The following PRKAG2 variants were observed in gnomAD, a reference collection of about 807,000 sequenced individuals.
PRKAG2 encodes protein kinase AMP-activated non-catalytic subunit gamma 2, also known as 5'-AMP-activated protein kinase subunit gamma-2.
In PRKAG2, 26 loss-of-function variants were observed where a neutral mutation model predicts 69.6. That is an observed-to-expected ratio of 0.37 (90% CI 0.27 to 0.52). The LOEUF (loss-of-function observed/expected upper bound fraction) is 0.52. Ranked by LOEUF, PRKAG2 falls within the 20% of genes least tolerant of loss-of-function variation. PRKAG2 has a pLI of 0.90. For synonymous variants in PRKAG2, 293 were observed against 285.0 expected (o/e 1.03, Z -0.28); for missense variants, 557 against 740.0 (o/e 0.75, Z 2.87).
chr7:151,698,398 T>A (rs1358719343), intron 3 of PRKAG2, among the ~76,000 whole-genome samples: 1 of 152,030 alleles, frequency 6.6e-6, no homozygotes, highest in African/African-American at 2.4e-5. Flanking sequence ...TTTTGTCCCC[T>A]CCGAATCTCA....
rs1401247626 is a variant in PRKAG2, at chr7:151,804,530, AGAG to A, written c.115-17992_115-17990del. On this transcript the variant is annotated intron_variant, in intron 1 of 15. Coordinates refer to ENST00000287878, the MANE Select transcript of PRKAG2 (RefSeq NM_016203.4). ...CTTGACATGTGGGAATTACAATTCA[AGAG>A]GAGATTTGGGTGGGGACACGGATGT... Among the ~76,000 whole-genome samples the A allele has an allele frequency of 2.0e-5, 3 of 152,144 alleles. No homozygotes were observed. In the South Asian group the frequency reaches 6.2e-4, roughly 31 times the overall value.
chr7:151,593,955 G>T (rs1813820484), intron 6 of PRKAG2, among the ~76,000 whole-genome samples: 1 of 152,224 alleles, frequency 6.6e-6, no homozygotes, highest in Non-Finnish European at 1.5e-5. Flanking sequence ...CAGAATACAG[G>T]TAAGGGGCTC....
intron 1 of PRKAG2, among the ~76,000 whole-genome samples, chr7:151,821,396 GCA>G (rs367671168): frequency 6.6e-6 from 1 of 152,174 alleles, no homozygotes; most frequent in Non-Finnish European, 1.5e-5. Flanking sequence ...CCCAGGCTTG[GCA>G]CACACAGAAG....
intron 1 of PRKAG2, among the ~76,000 whole-genome samples, chr7:151,811,979 A>G (rs769883470): frequency 6.6e-6 from 1 of 152,230 alleles, no homozygotes; most frequent in Non-Finnish European, 1.5e-5. Context: ...TTCCTTGTGT[A>G]AAAGGGAAAT....
Position 151,565,362 on chromosome 7 carries a change from G to C in PRKAG2, c.1421C>G (p.Ser474Cys). The C allele has an allele frequency of 7.2e-7, 1 of 1,389,398 alleles. No homozygotes were observed. Among genetic ancestry groups the C allele is most frequent in the African/African-American group, 1.4e-5 (1 of 69,740 alleles). The allele number at this position is 1,389,398 out of a possible 1,614,324, so 86.1% of individuals were successfully genotyped here. ...DESGKVVDIYSKFDVINLAAE... is the reference protein window; with the variant it reads ...DESGKVVDIYCKFDVINLAAE... Reference sequence around the variant, plus strand: ...AATACTTACAATTACATCAAATTTGGAATAAATATCTACAACTTTTCCTAA... The same window carrying C: ...AATACTTACAATTACATCAAATTTGCAATAAATATCTACAACTTTTCCTAA... The change falls in exon 13 of 16, where the codon TCC becomes TGC. Residue 474 changes from serine to cysteine, a missense_variant. This residue lies in a region of PRKAG2 where 205 missense variants were observed against 383.4 expected (regional missense o/e 0.53). Transcript: ENST00000287878.
chr7:151,782,142 G>A (rs557065753), intron 2 of PRKAG2, among the ~76,000 whole-genome samples: 1 of 152,092 alleles, frequency 6.6e-6, no homozygotes, highest in South Asian at 2.1e-4. Context: ...AATTAGCTGG[G>A]CATGGTGGCG....
intron 3 of PRKAG2, among the ~76,000 whole-genome samples, chr7:151,702,894 G>A (rs961085201): frequency 1.3e-5 from 2 of 152,158 alleles, no homozygotes; most frequent in Non-Finnish European, 2.9e-5. Context: ...CCAGAAGCTG[G>A]GGGTGATACC....
At chr7:151,557,424 C>T (rs1007379439) in intron 15 of PRKAG2, 192 bp from the exon 16 acceptor site, 7 of 984,966 alleles carry the variant, frequency 7.1e-6, no homozygotes, top group African/African-American at 1.7e-5. Context: ...CTTGGATCCA[C>T]GTAACATCTT....
chr7:151,777,457 G>T lies in PRKAG2; in HGVS notation c.466+3695C>A, dbSNP rs907446772. On this transcript the variant is annotated intron_variant, in intron 3 of 15. Transcript: ENST00000287878. This position sits in a 1 kb window ranked among gnomAD's most constrained non-coding sequence, Gnocchi z 4.3. ...GGGCAGATGCCTCATGAATGGCTGG[G>T]TTGCCTCCCTGCGGCAGTGAGTCCT... is the stretch of plus-strand genomic sequence containing the variant. Among the ~76,000 whole-genome samples the T allele has an allele frequency of 6.6e-6, 1 of 152,172 alleles. No homozygotes were observed. Among genetic ancestry groups the T allele is most frequent in the African/African-American group, 2.4e-5 (1 of 41,430 alleles).
chr7:151,766,334 A>C (rs2075731700), intron 3 of PRKAG2, among the ~76,000 whole-genome samples: 1 of 152,214 alleles, frequency 6.6e-6, no homozygotes. Flanking sequence ...GTGGGGGAGA[A>C]ACTTACAGGA....
intron 5 of PRKAG2, among the ~76,000 whole-genome samples, chr7:151,598,699 T>C (rs1049347752): frequency 6.6e-6 from 1 of 152,130 alleles, no homozygotes; most frequent in Non-Finnish European, 1.5e-5. Context: ...TTAAAAAAAT[T>C]TTAAAGGTAC....
intron 6 of PRKAG2, among the ~76,000 whole-genome samples, chr7:151,581,057 C>G (rs916768704): frequency 2.6e-5 from 4 of 151,568 alleles, no homozygotes; most frequent in African/African-American, 7.3e-5. Context: ...TTTCATGCAC[C>G]CTATAAGTAT....
At chr7:151,572,640 T>C (rs779447917) in intron 9 of PRKAG2, 24 bp downstream of exon 9, 3 of 1,569,694 alleles carry the variant, frequency 1.9e-6, no homozygotes, top group South Asian at 1.1e-5. Flanking sequence ...TACTAAAAGA[T>C]TTTAAACATC....
rs149111981 is a variant in PRKAG2, at chr7:151,560,247, T to G, written c.1678+277A>C. On this transcript the variant is annotated intron_variant, in intron 15 of 15. Coordinates refer to ENST00000287878, the MANE Select transcript of PRKAG2 (RefSeq NM_016203.4). The stretch of plus-strand genomic sequence containing the variant: ...GAAGAGGTCTTTTCAGTGGAAAAGG[T>G]TATGATGAACATGGCAATGGCTCCC... 8.1e-4 allele frequency: 1,067 copies of G among 1,318,736 alleles called. 12 individuals are homozygous for G. In the African/African-American group the frequency reaches 0.014, roughly 18 times the overall value. The allele number at this position is 1,318,736 out of a possible 1,614,324, so 81.7% of individuals were successfully genotyped here.
At chr7:151,630,127 G>A (rs1824042615) in intron 5 of PRKAG2, among the ~76,000 whole-genome samples, 1 of 152,070 alleles carries the variant, frequency 6.6e-6, no homozygotes, top group Non-Finnish European at 1.5e-5. Context: ...TTAAAGGAAT[G>A]ACAGCAATAT....
intron 3 of PRKAG2, among the ~76,000 whole-genome samples, chr7:151,702,507 C>T (rs73158176): frequency 6.6e-6 from 1 of 152,170 alleles, no homozygotes; most frequent in Admixed American, 6.5e-5. Context: ...CCTGCCCACC[C>T]GCTTGCCTTC....
In PRKAG2 at chr7:151,560,547, T is replaced by C. The variant is rs1335765564; in HGVS notation, c.1655A>G (p.Gln552Arg). The stretch of plus-strand genomic sequence containing the variant: ...ACCTGCTGGTGTGAGGATCAGGGCT[T>C]GCAGAATGTCCGACAGGGAAATAAT... ...VGIISLSDIL[Q>R]ALILTPAGAK... is the part of the protein sequence containing the mutation. The change falls in exon 15 of 16, where the codon CAA becomes CGA. Residue 552 changes from glutamine to arginine, a missense_variant. By Grantham distance (43) the Gln-to-Arg change is conservative. Transcript: ENST00000287878. The C allele has an allele frequency of 1.9e-6, 3 of 1,614,014 alleles. No individual in the cohort carries two copies. Among genetic ancestry groups the C allele is most frequent in the Admixed American group, 1.7e-5 (1 of 60,008 alleles).
intron 5 of PRKAG2, among the ~76,000 whole-genome samples, chr7:151,618,047 T>A (rs965182699): frequency 1.3e-5 from 2 of 152,062 alleles, no homozygotes; most frequent in Non-Finnish European, 2.9e-5. Flanking sequence ...GTTGGCTGGG[T>A]GCGGTGGCTC....
chr7:151,776,629 G>C (rs2076364719), intron 3 of PRKAG2, among the ~76,000 whole-genome samples: 1 of 152,220 alleles, frequency 6.6e-6, no homozygotes, highest in South Asian at 2.1e-4. Flanking sequence ...CTTCGCAGCT[G>C]TCTGCACTTC....
Sources: gnomAD v4.1 joint callset for allele counts (sites outside exome capture counted in the v4.1 genomes callset) on GRCh38, gnomAD v4.1.1 for gene constraint, gnomAD v4.1.1 regional missense constraint, Gnocchi (gnomAD v3.1) non-coding constraint, MANE v1.5 for transcripts, NCBI Gene and HGNC (gene_info 2026-07-23, HGNC 2026-07-21) for gene names.